Variants in KLHL14 observed in about 807,000 individuals in gnomAD.
KLHL14 encodes the protein kelch like family member 14.
A neutral mutation model predicts 64.3 loss-of-function variants in KLHL14; 22 were observed. The ratio of observed to expected loss-of-function variants is 0.34; its 90% confidence interval spans 0.24 to 0.49. The LOEUF is 0.49. Among genes scored for constraint, KLHL14 ranks in the 20% least tolerant of loss-of-function variants. KLHL14 has a pLI of 0.99. For synonymous variants in KLHL14, 322 were observed against 333.4 expected, an observed-to-expected ratio of 0.97 and a Z score of 0.37; for missense variants, 661 against 789.0, an observed-to-expected ratio of 0.84 and a Z score of 1.94.
chr18:32,743,386 C>T (rs2050208888), intron 2 of KLHL14: 1 of 115,066 alleles, frequency 8.7e-6, no homozygotes, highest in African/African-American at 3.4e-5. Flanking sequence ...TAACTTAATA[C>T]AGTTAATGAC....
chr18:32,687,005 C>T lies in KLHL14; in HGVS notation c.1238+150G>A. 6.4e-6 allele frequency: 4 copies of T among 621,060 alleles called. No individual in the cohort carries two copies. The South Asian group carries it at 8.6e-5, about 13-fold the overall frequency. 38.5% of individuals were successfully genotyped at this position (621,060 alleles called of 1,614,324 possible). ...TCTCTATTGAATTAACAAGGGAGGT[C>T]ATGTAAACTGGCTAGGCCAAGTTTT... On this transcript the variant is annotated intron_variant, in intron 5 of 8. Coordinates refer to ENST00000359358, the MANE Select transcript of KLHL14 (RefSeq NM_020805.3).
intron 4 of KLHL14, among the ~76,000 whole-genome samples, chr18:32,690,496 G>A (rs1264219621): frequency 6.6e-6 from 1 of 152,054 alleles, no homozygotes; most frequent in Non-Finnish European, 1.5e-5. Context: ...TTAGGAGGGC[G>A]AGGAGGGCAG....
rs1366611838 is a variant in KLHL14 at position 32,683,545 on chromosome 18, G to T, written c.1239-2946C>A. Reference sequence around the variant, plus strand: ...TATAAGGTTCAGGCTATTTTATTTTGGGGGGAAAGTAAGTTCAAGATTATT... The same window carrying T: ...TATAAGGTTCAGGCTATTTTATTTTTGGGGGAAAGTAAGTTCAAGATTATT... On this transcript the variant is annotated intron_variant, in intron 5 of 8. Coordinates refer to ENST00000359358, the MANE Select transcript of KLHL14 (RefSeq NM_020805.3). The surrounding 1 kb of genome is among the most constrained non-coding windows in gnomAD (Gnocchi z 4.2). 6.6e-5 allele frequency among the ~76,000 whole-genome samples: 10 copies of T among 151,910 alleles called. No individual in the cohort carries two copies. The highest frequency in any genetic ancestry group is 8.8e-5 in the Non-Finnish European group (6 of 67,978).
At position 32,770,948 on chromosome 18, in the gene KLHL14, T is replaced by TGGCAGCAACAGCAGTGGC. The variant is rs1250109419; in HGVS notation, c.-43-332_-43-315dup. On this transcript the variant is annotated intron_variant, in intron 1 of 8. Transcript: ENST00000359358. This position sits in a 1 kb window ranked among gnomAD's most constrained non-coding sequence, Gnocchi z 6.7. ...AAACCAACCACCTCAGCTCGGCTGTTGGCAGCAACAGCAGTGGCAGCAGCG... is the reference window on the plus strand; with the variant it reads ...AAACCAACCACCTCAGCTCGGCTGTTGGCAGCAACAGCAGTGGCGGCAGCAACAGCAGTGGCAGCAGCG... The TGGCAGCAACAGCAGTGGC allele has an allele frequency of 4.4e-6, 2 of 450,468 alleles. No individual in the cohort carries two copies. The highest frequency in any genetic ancestry group is 8.7e-6 in the Non-Finnish European group (2 of 231,162). 27.9% of individuals were successfully genotyped at this position (450,468 alleles called of 1,614,324 possible).
intron 3 of KLHL14, among the ~76,000 whole-genome samples, chr18:32,712,206 C>G (rs1187567881): frequency 6.6e-6 from 1 of 152,074 alleles, no homozygotes; most frequent in African/African-American, 2.4e-5. Context: ...CTTGCCCTTA[C>G]AGAAAAAGTT....
intron 3 of KLHL14, among the ~76,000 whole-genome samples, chr18:32,741,579 C>G (rs551875842): frequency 3.3e-5 from 5 of 152,164 alleles, no homozygotes; most frequent in African/African-American, 1.2e-4. Context: ...AATTTACTAG[C>G]GAACGCCATA....
At chr18:32,767,925 G>A (rs1568086752) in intron 2 of KLHL14, among the ~76,000 whole-genome samples, 1 of 152,132 alleles carries the variant, frequency 6.6e-6, no homozygotes, top group Non-Finnish European at 1.5e-5. Flanking sequence ...AACTATAACT[G>A]TGTTGTCTGA....
intron 3 of KLHL14, among the ~76,000 whole-genome samples, chr18:32,699,359 A>G (rs2049952295): frequency 6.6e-6 from 1 of 152,210 alleles, no homozygotes; most frequent in African/African-American, 2.4e-5. Context: ...ATTTGTTCAC[A>G]TTCAGGCAAG....
intron 2 of KLHL14, among the ~76,000 whole-genome samples, chr18:32,756,837 T>A (rs1415972364): frequency 6.6e-6 from 1 of 152,230 alleles, no homozygotes; most frequent in Non-Finnish European, 1.5e-5. Context: ...TGACTAGAAG[T>A]TCTGCCAAGG....
intron 3 of KLHL14, 95 bp from the exon 4 acceptor site, chr18:32,695,647 A>G (rs897721297): frequency 1.3e-6 from 1 of 747,622 alleles, no homozygotes; most frequent in African/African-American, 1.8e-5. Flanking sequence ...GAAGTGCATA[A>G]AATGTGAGAC....
intron 2 of KLHL14, among the ~76,000 whole-genome samples, chr18:32,761,452 T>C (rs1483625113): frequency 6.8e-6 from 1 of 147,146 alleles, no homozygotes; most frequent in Non-Finnish European, 1.5e-5. Flanking sequence ...TGCCCAGGAG[T>C]TTTGCAGGTG....
chr18:32,736,452 C>CA (rs1232282494), intron 3 of KLHL14, among the ~76,000 whole-genome samples: 2 of 152,010 alleles, frequency 1.3e-5, no homozygotes, highest in African/African-American at 4.8e-5. Flanking sequence ...TGCTCTGAAA[C>CA]AAAAAATTCC....
In KLHL14 at chr18:32,742,061, A is replaced by G. The variant is rs1230178708; in HGVS notation, c.948-12T>C. 1 of 1,611,444 alleles carries G rather than the reference A, an allele frequency of 6.2e-7. No individual in the cohort carries two copies. Among genetic ancestry groups the G allele is most frequent in the Non-Finnish European group, 8.5e-7 (1 of 1,179,456 alleles). On this transcript the variant is annotated splice_polypyrimidine_tract_variant and intron_variant, in intron 2 of 8. Transcript: ENST00000359358. ...TGTTAGAGCGAATTCTTCACCCAAA[A>G]CAAAAGAGGAGATGAATAACCACAT...
intron 3 of KLHL14, among the ~76,000 whole-genome samples, chr18:32,721,575 T>C (rs1273280463): frequency 6.6e-6 from 1 of 152,216 alleles, no homozygotes; most frequent in Non-Finnish European, 1.5e-5. Flanking sequence ...ACCTATTTTC[T>C]GTTCACTCGA....
At position 32,703,607 on chromosome 18, in the gene KLHL14, T is replaced by C. The variant is rs986903079; in HGVS notation, c.1070-8055A>G. On this transcript the variant is annotated intron_variant, in intron 3 of 8. Coordinates refer to ENST00000359358, the MANE Select transcript of KLHL14 (RefSeq NM_020805.3). ...ATAAAACCTTGTTGATTTACAGTTTTAGTTCTGAACACTTAACTTGGGGAA... is the reference window on the plus strand; with the variant it reads ...ATAAAACCTTGTTGATTTACAGTTTCAGTTCTGAACACTTAACTTGGGGAA... Among the ~76,000 whole-genome samples the C allele has an allele frequency of 1.4e-4, 22 of 152,368 alleles. 1 individual carries two copies. Among genetic ancestry groups the C allele is most frequent in the Middle Eastern group, 3.4e-3 (1 of 294 alleles).
chr18:32,677,431 T>C (rs2144462761), intron 7 of KLHL14, 101 bp from the exon 8 acceptor site: 1 of 1,089,594 alleles, frequency 9.2e-7, no homozygotes, highest in Non-Finnish European at 1.3e-6. Flanking sequence ...CCAAAATAGA[T>C]AATTATGTTT....
intron 3 of KLHL14, among the ~76,000 whole-genome samples, chr18:32,710,165 A>G (rs1326645722): frequency 6.6e-6 from 1 of 152,218 alleles, no homozygotes. Context: ...GCCTCATTAC[A>G]AACAAACTGT....
At chr18:32,703,179 A>G (rs1396769449) in intron 3 of KLHL14, among the ~76,000 whole-genome samples, 1 of 152,240 alleles carries the variant, frequency 6.6e-6, no homozygotes, top group Non-Finnish European at 1.5e-5. Flanking sequence ...CTTCATGCCT[A>G]GCACAGAACT....
In KLHL14 at chr18:32,693,452, C is replaced by T. The variant is rs559999158; in HGVS notation, c.1159+2011G>A. On this transcript the variant is annotated intron_variant, in intron 4 of 8. Coordinates refer to ENST00000359358, the MANE Select transcript of KLHL14 (RefSeq NM_020805.3). ...GAGAGAGAGAGAGAGAGAGAGAGAG[C>T]ACTCCCAGGCCTGTATTAAGGATAA... Among the ~76,000 whole-genome samples, 59 of 131,412 alleles carry T rather than the reference C, an allele frequency of 4.5e-4. 4 individuals are homozygous for T. In the South Asian group the frequency reaches 0.015, roughly 32 times the overall value. 86.2% of individuals were successfully genotyped at this position (131,412 alleles called of 152,430 possible). A position where few individuals can be genotyped will look rare whatever the true frequency, so the allele number is the denominator to read the frequency against.
Sources: gnomAD v4.1 joint callset for allele counts (sites outside exome capture counted in the v4.1 genomes callset) on GRCh38, gnomAD v4.1.1 for gene constraint, Gnocchi (gnomAD v3.1) non-coding constraint, MANE v1.5 for transcripts, NCBI Gene and HGNC (gene_info 2026-07-23, HGNC 2026-07-21) for gene names.